Variants in ZNF75D observed in about 807,000 individuals in gnomAD.
ZNF75D encodes the protein zinc finger protein 75.
In ZNF75D, 33 loss-of-function variants were observed where a neutral mutation model predicts 33.3. The ratio of observed to expected loss-of-function variants is 0.99; its 90% confidence interval spans 0.75 to 1.32. ZNF75D has a LOEUF of 1.32. ZNF75D is among the 40% of genes most tolerant of loss of function. The pLI, the probability that ZNF75D is intolerant of heterozygous loss-of-function variation, is 0.00. For missense variants in ZNF75D, 338 were observed against 367.5 expected, an observed-to-expected ratio of 0.92 and a Z score of 0.66; for synonymous variants, 113 against 130.6, an observed-to-expected ratio of 0.87 and a Z score of 0.92.
chrX:135,275,820 C>T (rs1282595386), intron 1 of ZNF75D, among the ~76,000 whole-genome samples: 1 of 111,274 alleles, frequency 9.0e-6, no homozygotes, highest in East Asian at 2.8e-4. Context: ...ATAGAACACA[C>T]CAGCTTTTTA....
downstream of ZNF75D, among the ~76,000 whole-genome samples, chrX:135,281,536 G>A: frequency 9.0e-6 from 1 of 111,190 alleles, no homozygotes. Flanking sequence ...TTGCTGGCGA[G>A]GAGTTGTGGT....
intron 1 of ZNF75D, among the ~76,000 whole-genome samples, chrX:135,304,865 C>T (rs1325864638): frequency 8.9e-6 from 1 of 112,470 alleles, no homozygotes; most frequent in Non-Finnish European, 1.9e-5. Flanking sequence ...AGACTCTGGC[C>T]CTGCGGAGCT....
chrX:135,258,179 A>ATATGTGCCACAGTTTCT (rs782362401), intron 1 of ZNF75D, among the ~76,000 whole-genome samples: 3 of 79,471 alleles, frequency 3.8e-5, no homozygotes, highest in African/African-American at 7.0e-5. Context: ...TCCATGGTGT[A>ATATGTGCCACAGTTTCT]TAATCCAGTC....
intron 1 of ZNF75D, among the ~76,000 whole-genome samples, chrX:135,269,298 A>T (rs1556416653): frequency 8.9e-6 from 1 of 111,860 alleles, no homozygotes; most frequent in Non-Finnish European, 1.9e-5. Context: ...GAAACAACCA[A>T]CAAAGGGAAG....
chrX:135,338,542 A>G (rs1328860931), intron 1 of ZNF75D, among the ~76,000 whole-genome samples: 2 of 112,189 alleles, frequency 1.8e-5, no homozygotes, highest in African/African-American at 6.5e-5. Context: ...TGTACATGTA[A>G]GCATTTTGGC....
chrX:135,261,370 T>G (rs1238369225), intron 1 of ZNF75D, among the ~76,000 whole-genome samples: 1 of 111,982 alleles, frequency 8.9e-6, no homozygotes, highest in African/African-American at 3.3e-5. Context: ...TTCTGTCTTG[T>G]TGATCTGTCT....
rs781819300 is a variant in ZNF75D at position 135,294,185 on chromosome X, A to C, written c.-45T>G. ...ACTCTTGTATGTGACACTGACACCC[A>C]CCTGGTACCACCTTTGACAAATCAG... is the stretch of plus-strand genomic sequence containing the variant. On this transcript the variant is annotated 5_prime_UTR_variant, in exon 3 of 7. Coordinates refer to ENST00000370766, the MANE Select transcript of ZNF75D (RefSeq NM_007131.5). 5 of 1,057,934 alleles carry C rather than the reference A, an allele frequency of 4.7e-6. No homozygotes were observed. The highest frequency in any genetic ancestry group is 6.4e-6 in the Non-Finnish European group (5 of 784,993). The allele number at this position is 1,057,934 out of a possible 1,213,427, so 87.2% of individuals were successfully genotyped here.
intron 1 of ZNF75D, among the ~76,000 whole-genome samples, chrX:135,325,572 C>T (rs781817801): frequency 5.3e-4 from 60 of 112,459 alleles, no homozygotes; most frequent in African/African-American, 1.8e-3. Context: ...CTGCCGGCCC[C>T]GGGCAATGAG....
rs556753773 is a variant in ZNF75D, at chrX:135,272,344, T to C, written n.828-16567A>G. ...TCTCAGGGTCTCCCCCTCCTGCTCA[T>C]ATCCAGCTATCTGCCTACTCTAACA... On this transcript the variant is annotated intron_variant and non_coding_transcript_variant, in intron 1 of 3. Transcript: ENST00000494295. 2.8e-5 allele frequency among the ~76,000 whole-genome samples: 3 copies of C among 105,411 alleles called. No individual in the cohort carries two copies. The South Asian group carries it at 1.3e-3, about 47-fold the overall frequency. 91.5% of individuals were successfully genotyped at this position (105,411 alleles called of 115,157 possible).
chrX:135,310,241 A>C (rs1298480081), intron 1 of ZNF75D, among the ~76,000 whole-genome samples: 1 of 112,109 alleles, frequency 8.9e-6, no homozygotes, highest in African/African-American at 3.2e-5. Context: ...CATGTCAAAC[A>C]AACCTTCAGG....
intron 4 of ZNF75D, 181 bp from the exon 5 acceptor site, chrX:135,291,744 T>C: frequency 2.0e-6 from 1 of 501,296 alleles, no homozygotes; most frequent in South Asian, 4.0e-5. Flanking sequence ...CTACCACTCA[T>C]ACAACCAGTT....
intron 3 of ZNF75D, chrX:135,249,408 C>A (rs1447888358): frequency 4.6e-6 from 1 of 217,913 alleles, no homozygotes; most frequent in Admixed American, 6.1e-5. Flanking sequence ...CATGTGCACA[C>A]ACACACACAC....
intron 6 of ZNF75D, among the ~76,000 whole-genome samples, chrX:135,289,633 C>G (rs1230005568): frequency 2.9e-4 from 2 of 6,896 alleles, no homozygotes; most frequent in South Asian, 0.014. Flanking sequence ...CACAGACACA[C>G]ACACACACAC....
At chrX:135,249,506 C>T (rs782059668) in intron 3 of ZNF75D, among the ~76,000 whole-genome samples, 2,562 of 107,027 alleles carry the variant, frequency 0.024, 118 homozygotes, top group African/African-American at 0.082. Context: ...AGAATCTCTT[C>T]GTTGGTCCAT....
At chrX:135,336,992 CG>C (rs2084719992) in intron 1 of ZNF75D, among the ~76,000 whole-genome samples, 1 of 111,719 alleles carries the variant, frequency 9.0e-6, no homozygotes, top group Admixed American at 9.5e-5. Context: ...TGCAGAGGCA[CG>C]ATTGGAACTA....
In ZNF75D at chrX:135,322,177, G is replaced by A. The variant is rs146730282; in HGVS notation, c.-391+19591C>T. On this transcript the variant is annotated intron_variant, in intron 1 of 6. Transcript: ENST00000370766. ...CAAAGCAGAATACCTGTGTGTCAGT[G>A]TACTTTATTCATCCATTGTTGAGTC... Among the ~76,000 whole-genome samples, 160 of 112,262 alleles carry A rather than the reference G, an allele frequency of 1.4e-3. 1 individual carries two copies. Among genetic ancestry groups the A allele is most frequent in the African/African-American group, 4.9e-3 (152 of 30,904 alleles).
chrX:135,267,626 G>C (rs2083867678), intron 1 of ZNF75D, among the ~76,000 whole-genome samples: 1 of 111,236 alleles, frequency 9.0e-6, no homozygotes, highest in South Asian at 3.8e-4. Context: ...GTCAGGAAAA[G>C]TGTCCCAGCA....
chrX:135,289,483 C>T (rs1556420596), intron 6 of ZNF75D, among the ~76,000 whole-genome samples: 1 of 111,035 alleles, frequency 9.0e-6, no homozygotes, highest in Non-Finnish European at 1.9e-5. Flanking sequence ...AGACATGGTG[C>T]CACACACCTG....
chrX:135,285,485 A>G (rs1199866774), downstream of ZNF75D, among the ~76,000 whole-genome samples: 1 of 112,544 alleles, frequency 8.9e-6, no homozygotes, highest in East Asian at 2.8e-4. Flanking sequence ...CCAGCTAGAA[A>G]TGATGGAAAA....
Sources: allele counts gnomAD v4.1 joint callset (sites outside exome capture counted in the v4.1 genomes callset), GRCh38; gene constraint gnomAD v4.1.1; transcripts MANE v1.5; gene names NCBI Gene and HGNC (gene_info 2026-07-23, HGNC 2026-07-21).